Variants in SHB observed in about 807,000 individuals in gnomAD.
SHB encodes the protein SH2 domain-containing adapter protein B.
SHB carries 20 observed loss-of-function variants against 52.3 expected under a neutral mutation model. That is an observed-to-expected ratio of 0.38 (90% CI 0.27 to 0.56). SHB has a LOEUF of 0.56. SHB is among the 20% of genes least tolerant of loss of function. The pLI is 0.71. For missense variants in SHB, 825 were observed against 723.3 expected (o/e 1.14, Z -1.61); for synonymous variants, 397 against 316.5 (o/e 1.25, Z -2.70).
intron 3 of SHB, among the ~76,000 whole-genome samples, chr9:37,959,992 A>T (rs1258907350): frequency 1.3e-5 from 2 of 152,260 alleles, no homozygotes; most frequent in Non-Finnish European, 2.9e-5. Context: ...TATTGGGAAA[A>T]AAAAATCGGT....
intron 1 of SHB, among the ~76,000 whole-genome samples, chr9:38,050,247 G>A (rs575203761): frequency 6.6e-6 from 1 of 152,282 alleles, no homozygotes; most frequent in South Asian, 2.1e-4. Context: ...AAGGGCTCAA[G>A]TAGTCTTTTA....
intron 2 of SHB, among the ~76,000 whole-genome samples, chr9:37,986,045 G>A (rs1820803168): frequency 6.6e-6 from 1 of 152,226 alleles, no homozygotes. Context: ...AGTGGTGTAT[G>A]TACCAGCAGC....
At chr9:37,940,963 A>C (rs1161000743) in intron 5 of SHB, among the ~76,000 whole-genome samples, 1 of 152,236 alleles carries the variant, frequency 6.6e-6, no homozygotes, top group Non-Finnish European at 1.5e-5. Flanking sequence ...CTAGGAGGTC[A>C]GAGAAGTTCA....
At chr9:38,032,396 G>C (rs1054843222) in intron 1 of SHB, among the ~76,000 whole-genome samples, 6 of 152,206 alleles carry the variant, frequency 3.9e-5, no homozygotes, top group African/African-American at 1.4e-4. Context: ...CCTGTTGTAT[G>C]AGTTTCTAAG....
intron 1 of SHB, among the ~76,000 whole-genome samples, chr9:38,038,012 C>T (rs936036045): frequency 2.6e-5 from 4 of 152,202 alleles, no homozygotes; most frequent in Non-Finnish European, 4.4e-5. Flanking sequence ...ACTCCTAACA[C>T]ATTGTCTAAG....
chr9:38,044,831 C>T (rs776467296), intron 1 of SHB, among the ~76,000 whole-genome samples: 2 of 152,234 alleles, frequency 1.3e-5, no homozygotes, highest in Admixed American at 6.5e-5. Flanking sequence ...TGGGGTCAGG[C>T]CCCGTGCAAG....
chr9:37,996,627 C>T (rs1820949469), intron 2 of SHB, among the ~76,000 whole-genome samples: 1 of 152,220 alleles, frequency 6.6e-6, no homozygotes, highest in Admixed American at 6.5e-5. Flanking sequence ...GATGTGCTGG[C>T]TCTGGGCCAA....
chr9:38,039,738 C>T (rs1048348671), intron 1 of SHB, among the ~76,000 whole-genome samples: 8 of 152,266 alleles, frequency 5.3e-5, no homozygotes, highest in East Asian at 1.9e-4. Context: ...GCTCAGCTCC[C>T]TCATGAGTCC....
At position 38,057,748 on chromosome 9, in the gene SHB, G is replaced by A. The variant is rs184277180; in HGVS notation, c.717+10181C>T. Among the ~76,000 whole-genome samples, 33 of 152,330 alleles carry A rather than the reference G, an allele frequency of 2.2e-4. No homozygotes were observed. In the East Asian group the frequency reaches 2.9e-3, roughly 13 times the overall value. On this transcript the variant is annotated intron_variant, in intron 1 of 5. Coordinates refer to ENST00000377707, the MANE Select transcript of SHB (RefSeq NM_003028.3). ...TGATTTTCATTTTTAGAATTTAGCC[G>A]TGGCCTGGAGAAACCTGCAGACTCT... is the stretch of plus-strand genomic sequence containing the variant.
intron 2 of SHB, among the ~76,000 whole-genome samples, chr9:37,992,060 C>A (rs1820888322): frequency 6.6e-6 from 1 of 152,208 alleles, no homozygotes. Flanking sequence ...CACTCCTCCC[C>A]TCCGGAGCAC....
At position 37,919,992 on chromosome 9, in the gene SHB, A is replaced by G; in HGVS notation, c.1359T>C (p.Gly453=). ...TTTTGGCCAGTTTCATGTGCATAAA[A>G]CCCTGGTTGCTCCTGTGAACAAAAC... ...DYSLSLRSNQ[G]FMHMKLAKTK... Residue 453 remains glycine, a synonymous_variant, in exon 6 of 6, where the codon GGT becomes GGC. Coordinates refer to ENST00000377707, the MANE Select transcript of SHB (RefSeq NM_003028.3). 6.2e-7 allele frequency: 1 copy of G among 1,613,712 alleles called. No individual in the cohort carries two copies. The highest frequency in any genetic ancestry group is 8.5e-7 in the Non-Finnish European group (1 of 1,179,828).
intron 3 of SHB, among the ~76,000 whole-genome samples, chr9:37,964,237 G>A (rs921401347): frequency 6.6e-6 from 1 of 152,234 alleles, no homozygotes; most frequent in Non-Finnish European, 1.5e-5. Context: ...TCATTGTGAG[G>A]GGAGGCGGCC....
chr9:37,959,114 A>G (rs952304171), intron 3 of SHB, among the ~76,000 whole-genome samples: 2 of 152,182 alleles, frequency 1.3e-5, no homozygotes, highest in Non-Finnish European at 2.9e-5. Context: ...GAAGACGGGA[A>G]GACCAGTCAG....
chr9:37,986,017 T>C (rs994074647), intron 2 of SHB, among the ~76,000 whole-genome samples: 1 of 152,246 alleles, frequency 6.6e-6, no homozygotes, highest in Non-Finnish European at 1.5e-5. Context: ...TAGTTCTGCC[T>C]GGCTCCCAGC....
In SHB at chr9:37,919,758, T is replaced by C; in HGVS notation, c.*63A>G. On this transcript the variant is annotated 3_prime_UTR_variant, in exon 6 of 6. Coordinates refer to ENST00000377707, the MANE Select transcript of SHB (RefSeq NM_003028.3). ...CAGCAACAGTGGCTGGGCTGGTTGG[T>C]GGGGGGCCTCTGGCACCTCCAAGTC... is the stretch of plus-strand genomic sequence containing the variant. The C allele has an allele frequency of 7.3e-7, 1 of 1,368,976 alleles. No individual in the cohort carries two copies. The highest frequency in any genetic ancestry group is 1.7e-5 in the Admixed American group (1 of 57,544). The allele number at this position is 1,368,976 out of a possible 1,614,324, so 84.8% of individuals were successfully genotyped here. A position where few individuals can be genotyped will look rare whatever the true frequency, so the allele number is the denominator to read the frequency against.
At chr9:38,063,219 T>C (rs374349188) in intron 1 of SHB, among the ~76,000 whole-genome samples, 21 of 152,354 alleles carry the variant, frequency 1.4e-4, no homozygotes, top group African/African-American at 3.8e-4. Flanking sequence ...TTTTAAGAAC[T>C]GGAGAGTGTG....
chr9:38,059,796 T>C (rs916698743), intron 1 of SHB, among the ~76,000 whole-genome samples: 2 of 152,182 alleles, frequency 1.3e-5, no homozygotes, highest in African/African-American at 4.8e-5. Context: ...CAGCAGGTAC[T>C]GGCCACCAGC....
intron 5 of SHB, among the ~76,000 whole-genome samples, chr9:37,924,062 C>A (rs1430933827): frequency 1.3e-5 from 2 of 152,240 alleles, no homozygotes; most frequent in Non-Finnish European, 2.9e-5. Flanking sequence ...CCTGCATCAG[C>A]CACATCTCCT....
In SHB at chr9:37,995,177, A is replaced by G. The variant is rs368454094; in HGVS notation, c.839-20340T>C. ...CGGCAGCTGTCACGTTACAGCTGCC[A>G]CCACACAGACACGCACTTCAGATTT... On this transcript the variant is annotated intron_variant, in intron 2 of 5. Coordinates refer to ENST00000377707, the MANE Select transcript of SHB (RefSeq NM_003028.3). 2.6e-4 allele frequency among the ~76,000 whole-genome samples: 40 copies of G among 152,272 alleles called. 1 individual carries two copies. The East Asian group carries it at 6.6e-3, about 25-fold the overall frequency.
Sources: gnomAD v4.1 joint callset for allele counts (sites outside exome capture counted in the v4.1 genomes callset) on GRCh38, gnomAD v4.1.1 for gene constraint, MANE v1.5 for transcripts, NCBI Gene and HGNC (gene_info 2026-07-23, HGNC 2026-07-21) for gene names.